The following NAV2 variants were observed in gnomAD, a reference collection of about 807,000 sequenced individuals.
NAV2 encodes the protein neuron navigator 2.
Under a neutral mutation model 223.2 loss-of-function variants are expected in NAV2, and 54 were observed. The observed-to-expected ratio is 0.24, with a 90% CI of 0.19 to 0.30. The LOEUF (loss-of-function observed/expected upper bound fraction) is 0.30, where lower values mean the gene tolerates loss of function less well. Among genes scored for constraint, NAV2 ranks in the 10% least tolerant of loss-of-function variants. The pLI is 1.00. For synonymous variants in NAV2, 1,279 were observed against 1,239.3 expected, an observed-to-expected ratio of 1.03 and a Z score of -0.67; for missense variants, 2,806 against 3,147.5, an observed-to-expected ratio of 0.89 and a Z score of 2.60.
At chr11:19,463,043 C>T (rs1193708506) in intron 1 of NAV2, among the ~76,000 whole-genome samples, 3 of 152,204 alleles carry the variant, frequency 2.0e-5, no homozygotes, top group Non-Finnish European at 4.4e-5. Flanking sequence ...TTAGACAGAG[C>T]TGGGTCAAAT....
At chr11:19,602,259 C>T (rs1202569746) in intron 1 of NAV2, among the ~76,000 whole-genome samples, 1 of 149,042 alleles carries the variant, frequency 6.7e-6, no homozygotes, top group African/African-American at 2.5e-5. Context: ...CTCACCACAA[C>T]CTCCGCCTCC....
chr11:19,415,983 A>T (rs927872706), intron 1 of NAV2, among the ~76,000 whole-genome samples: 7 of 152,178 alleles, frequency 4.6e-5, no homozygotes, highest in African/African-American at 1.4e-4. Flanking sequence ...ACCACAACCA[A>T]CATCATACTA....
chr11:19,437,012 A>C (rs887393210), intron 1 of NAV2, among the ~76,000 whole-genome samples: 7 of 152,192 alleles, frequency 4.6e-5, no homozygotes, highest in African/African-American at 1.4e-4. Context: ...ACATAAGATC[A>C]TGTAGTCAGC....
At chr11:20,074,760 C>CCTTTTGTTTTTTTTT (rs56895607) in intron 22 of NAV2, among the ~76,000 whole-genome samples, 1 of 110,262 alleles carries the variant, frequency 9.1e-6, no homozygotes, top group African/African-American at 3.8e-5. Context: ...TGCAACTCTG[C>CCTTTTGTTTTTTTTT]TTTTTTTTTT....
intron 5 of NAV2, 75 bp from the exon 6 acceptor site, chr11:19,892,359 G>A: frequency 7.0e-7 from 1 of 1,428,296 alleles, no homozygotes. Context: ...CTCCTGCATG[G>A]TTGCAGTTCC....
At chr11:19,734,499 G>A (rs11025226) in intron 1 of NAV2, among the ~76,000 whole-genome samples, 8 of 152,132 alleles carry the variant, frequency 5.3e-5, no homozygotes, top group African/African-American at 1.7e-4. Flanking sequence ...TCCTACAACC[G>A]CTTCCCCTTC....
chr11:19,821,343 C>T (rs560539311), intron 1 of NAV2, among the ~76,000 whole-genome samples: 5 of 152,020 alleles, frequency 3.3e-5, no homozygotes, highest in South Asian at 4.2e-4. Context: ...CAGGCACCTA[C>T]ACCCTCATCC....
At chr11:19,524,035 C>G (rs2043764623) in intron 1 of NAV2, among the ~76,000 whole-genome samples, 1 of 152,194 alleles carries the variant, frequency 6.6e-6, no homozygotes, top group South Asian at 2.1e-4. Flanking sequence ...CTCTCTGTTC[C>G]CACAGCCTCT....
chr11:19,413,657 G>A (rs1850239294), intron 1 of NAV2, among the ~76,000 whole-genome samples: 1 of 152,176 alleles, frequency 6.6e-6, no homozygotes, highest in Non-Finnish European at 1.5e-5. Flanking sequence ...AGGAAAAAAT[G>A]TTAAGGGCAG....
intron 1 of NAV2, among the ~76,000 whole-genome samples, chr11:19,667,404 G>T (rs1435856919): frequency 2.0e-5 from 3 of 152,182 alleles, no homozygotes; most frequent in Non-Finnish European, 2.9e-5. Context: ...CAGGTGGAAG[G>T]TTGGCAATTT....
At chr11:20,004,886 A>T (rs1333369608) in intron 11 of NAV2, among the ~76,000 whole-genome samples, 1 of 152,098 alleles carries the variant, frequency 6.6e-6, no homozygotes, top group Non-Finnish European at 1.5e-5. Flanking sequence ...AAGGCTCCAG[A>T]ATAGGGTTCA....
chr11:20,045,420 A>G lies in NAV2; in HGVS notation c.3652A>G (p.Ile1218Val). ...TAGCACCAGCAGCATAGATTCCAACATTAGCAGCAAGTCCGCAGGCCTGCC... is the reference window on the plus strand; with the variant it reads ...TAGCACCAGCAGCATAGATTCCAACGTTAGCAGCAAGTCCGCAGGCCTGCC... ...RSSTSSIDSN[I>V]SSKSAGLPVP... Residue 1218 changes from isoleucine to valine, a missense_variant, in exon 14 of 38, where the codon ATT (isoleucine) becomes GTT (valine). Ile to Val is a conservative substitution (Grantham distance 29). Coordinates refer to ENST00000349880, the MANE Select transcript of NAV2 (RefSeq NM_145117.5). The G allele has an allele frequency of 1.2e-6, 2 of 1,614,218 alleles. No homozygotes were observed. Among genetic ancestry groups the G allele is most frequent in the East Asian group, 2.2e-5 (1 of 44,886 alleles).
At chr11:19,902,928 C>T (rs113097883) in intron 6 of NAV2, among the ~76,000 whole-genome samples, 2,165 of 152,280 alleles carry the variant, frequency 0.014, 58 homozygotes, top group African/African-American at 0.05. Flanking sequence ...ATGTGAAGTG[C>T]AAGCATGGAG....
chr11:20,106,175 A>ATATATATATGTG lies in NAV2; in HGVS notation c.6841+449_6841+450insATATATATGTGT, dbSNP rs11267537. On this transcript the variant is annotated intron_variant, in intron 35 of 37. Coordinates refer to ENST00000349880, the MANE Select transcript of NAV2 (RefSeq NM_145117.5). ...TGTGTGTATATATATATATATATAT[A>ATATATATATGTG]TGTGTGTGTATATATATATATATAT... Among the ~76,000 whole-genome samples, 240 of 35,824 alleles carry ATATATATATGTG rather than the reference A, an allele frequency of 6.7e-3. 50 individuals carry two copies. Among genetic ancestry groups the ATATATATATGTG allele is most frequent in the Non-Finnish European group, 8.4e-3 (160 of 18,982 alleles). The allele number at this position is 35,824 out of a possible 152,430, so 23.5% of individuals were successfully genotyped here.
intron 6 of NAV2, among the ~76,000 whole-genome samples, chr11:19,907,720 G>A (rs2042988845): frequency 2.0e-5 from 3 of 152,330 alleles, no homozygotes; most frequent in Admixed American, 1.3e-4. Flanking sequence ...AGTCAGAATT[G>A]ATTATTTTTC....
intron 10 of NAV2, among the ~76,000 whole-genome samples, chr11:19,983,539 T>C (rs558455220): frequency 6.6e-6 from 1 of 152,310 alleles, no homozygotes; most frequent in African/African-American, 2.4e-5. Flanking sequence ...TCACTAATTC[T>C]CATGCCCATG....
chr11:19,459,264 A>G (rs535978238), intron 1 of NAV2, among the ~76,000 whole-genome samples: 10 of 152,318 alleles, frequency 6.6e-5, no homozygotes, highest in African/African-American at 2.2e-4. Context: ...TATGCTTTTA[A>G]GACCTTGTCT....
chr11:19,586,196 C>T (rs113862340), intron 1 of NAV2, among the ~76,000 whole-genome samples: 1,757 of 152,262 alleles, frequency 0.012, 53 homozygotes, highest in African/African-American at 0.04. Flanking sequence ...GTGCATTCGT[C>T]GCATAGTTCT....
intron 1 of NAV2, among the ~76,000 whole-genome samples, chr11:19,417,137 A>G: frequency 6.6e-6 from 1 of 152,206 alleles, no homozygotes; most frequent in Non-Finnish European, 1.5e-5. Flanking sequence ...AGCAAAAGGA[A>G]CTATCATCAG....
Sources: allele counts gnomAD v4.1 joint callset (sites outside exome capture counted in the v4.1 genomes callset), GRCh38; gene constraint gnomAD v4.1.1; transcripts MANE v1.5; gene names NCBI Gene and HGNC (gene_info 2026-07-23, HGNC 2026-07-21).